The following AGPAT3 variants were observed in gnomAD, a reference collection of about 807,000 sequenced individuals.
AGPAT3 encodes the protein 1-acyl-sn-glycerol-3-phosphate acyltransferase gamma.
AGPAT3 carries 5 observed loss-of-function variants against 47.3 expected under a neutral mutation model. The observed-to-expected ratio is 0.11, with a 90% CI of 0.06 to 0.22. The LOEUF (loss-of-function observed/expected upper bound fraction) is 0.22. Among genes scored for constraint, AGPAT3 ranks in the 10% least tolerant of loss-of-function variants. The probability of loss-of-function intolerance (pLI) is 1.00; values close to 1 mark genes in which losing one functional copy is unlikely to be tolerated. For missense variants in AGPAT3, 315 were observed against 493.0 expected (o/e 0.64, Z 3.42); for synonymous variants, 212 against 208.3 (o/e 1.02, Z -0.15).
intron 2 of AGPAT3, among the ~76,000 whole-genome samples, chr21:43,957,966 T>C (rs556964437): frequency 4.6e-5 from 7 of 152,208 alleles, no homozygotes; most frequent in African/African-American, 1.7e-4. Flanking sequence ...GGGGAGTCGC[T>C]CCTTTTGTGC....
chr21:43,943,914 C>T (rs2087762337), intron 2 of AGPAT3, among the ~76,000 whole-genome samples: 3 of 152,236 alleles, frequency 2.0e-5, no homozygotes, highest in African/African-American at 7.2e-5. Context: ...ACCACTTTCC[C>T]GCCGCATCTT....
chr21:43,973,742 C>T (rs945785135), intron 7 of AGPAT3, among the ~76,000 whole-genome samples: 1 of 152,246 alleles, frequency 6.6e-6, no homozygotes, highest in African/African-American at 2.4e-5. Context: ...CATCACAGCG[C>T]CAGGCTCCCC....
chr21:43,892,318 AAG>A (rs569534882), intron 1 of AGPAT3, among the ~76,000 whole-genome samples: 2,765 of 151,236 alleles, frequency 0.018, 82 homozygotes, highest in African/African-American at 0.063. Context: ...AAAAAAAAAA[AAG>A]AAAAAAAAAG....
At position 43,954,977 on chromosome 21, in the gene AGPAT3, G is replaced by A; in HGVS notation, c.-48-4657G>A. 9.0e-7 allele frequency: 1 copy of A among 1,109,630 alleles called. No individual in the cohort carries two copies. Among genetic ancestry groups the A allele is most frequent in the South Asian group, 1.8e-5 (1 of 56,538 alleles). 68.7% of individuals were successfully genotyped at this position (1,109,630 alleles called of 1,614,324 possible). ...CCGCTTTGTGACACCGAGGACGGTT[G>A]ATAAAGTGGATTCTCGAGGGGAAGC... is the stretch of plus-strand genomic sequence containing the variant. On this transcript the variant is annotated intron_variant, in intron 2 of 9. Transcript: ENST00000291572. This position sits in a 1 kb window ranked among gnomAD's most constrained non-coding sequence, Gnocchi z 4.0.
chr21:43,954,249 C>T lies in AGPAT3; in HGVS notation c.-48-5385C>T, dbSNP rs1227446621. Among the ~76,000 whole-genome samples, 1 of 152,164 alleles carries T rather than the reference C, an allele frequency of 6.6e-6. No individual in the cohort carries two copies. The highest frequency in any genetic ancestry group is 1.5e-5 in the Non-Finnish European group (1 of 68,032). ...CACCCTTCTGCAGGGAGGGAGGTGG[C>T]CTCTGCCTGCTGCCATTGGAGGTTT... On this transcript the variant is annotated intron_variant, in intron 2 of 9. Coordinates refer to ENST00000291572, the MANE Select transcript of AGPAT3 (RefSeq NM_020132.5). The surrounding 1 kb of genome is among the most constrained non-coding windows in gnomAD (Gnocchi z 4.0).
chr21:43,907,111 A>G (rs1196045229), intron 2 of AGPAT3, among the ~76,000 whole-genome samples: 1 of 142,752 alleles, frequency 7.0e-6, no homozygotes, highest in African/African-American at 2.6e-5. Context: ...AGGTCACTTC[A>G]GCCTTGAGCT....
intron 1 of AGPAT3, among the ~76,000 whole-genome samples, chr21:43,873,263 G>A (rs545663101): frequency 2.4e-4 from 36 of 152,330 alleles, no homozygotes; most frequent in African/African-American, 8.4e-4. Context: ...ATTCGCCATG[G>A]AAAGGGGAAG....
rs1569073348 is a variant in AGPAT3, at chr21:43,934,035, G to GT, written c.-48-25598dup. 2.0e-5 allele frequency among the ~76,000 whole-genome samples: 3 copies of GT among 152,234 alleles called. No homozygotes were observed. The highest frequency in any genetic ancestry group is 7.2e-5 in the African/African-American group (3 of 41,466). On this transcript the variant is annotated intron_variant, in intron 2 of 9. Coordinates refer to ENST00000291572, the MANE Select transcript of AGPAT3 (RefSeq NM_020132.5). The surrounding 1 kb of genome is among the most constrained non-coding windows in gnomAD (Gnocchi z 4.7). ...CAGTCATGGCCAGCTGCCGAATGCC[G>GT]TACCAGGGCAGGGGCAGTGGAGCAG...
rs2088388255 is a variant in AGPAT3 at position 43,955,192 on chromosome 21, C to G, written c.-48-4442C>G. 3.2e-6 allele frequency: 4 copies of G among 1,259,118 alleles called. No homozygotes were observed. Among genetic ancestry groups the G allele is most frequent in the Non-Finnish European group, 4.1e-6 (4 of 969,612 alleles). The allele number at this position is 1,259,118 out of a possible 1,614,324, so 78.0% of individuals were successfully genotyped here. A position where few individuals can be genotyped will look rare whatever the true frequency, so the allele number is the denominator to read the frequency against. On this transcript the variant is annotated intron_variant, in intron 2 of 9. Coordinates refer to ENST00000291572, the MANE Select transcript of AGPAT3 (RefSeq NM_020132.5). This position sits in a 1 kb window ranked among gnomAD's most constrained non-coding sequence, Gnocchi z 4.1. ...GCCGTCTCAGAAGCACCGCGCTGGACCGGCTGGGCCAGATGCCATGGGATT... is the reference window on the plus strand; with the variant it reads ...GCCGTCTCAGAAGCACCGCGCTGGAGCGGCTGGGCCAGATGCCATGGGATT...
chr21:43,910,363 C>T (rs1301222506), intron 2 of AGPAT3, among the ~76,000 whole-genome samples: 1 of 152,218 alleles, frequency 6.6e-6, no homozygotes, highest in Non-Finnish European at 1.5e-5. Context: ...CGCGTATTGC[C>T]AGCAGCAGTC....
intron 2 of AGPAT3, among the ~76,000 whole-genome samples, chr21:43,919,149 C>T (rs889159671): frequency 9.9e-5 from 15 of 151,978 alleles, no homozygotes; most frequent in African/African-American, 3.1e-4. Flanking sequence ...AAAAGTTTAC[C>T]GGTGTCTCTA....
intron 2 of AGPAT3, among the ~76,000 whole-genome samples, chr21:43,942,360 C>T (rs1024744242): frequency 4.6e-5 from 7 of 152,206 alleles, no homozygotes; most frequent in African/African-American, 1.2e-4. Flanking sequence ...AGCAGGAAGG[C>T]GGGCTGGCCA....
At chr21:43,885,130 C>G (rs1270126510) in intron 1 of AGPAT3, among the ~76,000 whole-genome samples, 1 of 152,228 alleles carries the variant, frequency 6.6e-6, no homozygotes. Context: ...TCCCCTCACC[C>G]TGCGGCTAGA....
In AGPAT3 at chr21:43,868,701, C is replaced by A. The variant is rs367918062; in HGVS notation, c.-112+3356C>A. Among the ~76,000 whole-genome samples, 2 of 152,206 alleles carry A rather than the reference C, an allele frequency of 1.3e-5. 1 individual carries two copies. Among genetic ancestry groups the A allele is most frequent in the South Asian group, 4.1e-4 (2 of 4,824 alleles). On this transcript the variant is annotated intron_variant, in intron 1 of 9. Coordinates refer to ENST00000291572, the MANE Select transcript of AGPAT3 (RefSeq NM_020132.5). The stretch of plus-strand genomic sequence containing the variant: ...GAGCTGAGTACCGGCGCTGCAGCCA[C>A]GCTGGCTCTTGTTCTCTTCCTCATG...
chr21:43,871,486 T>C (rs2085623442), intron 1 of AGPAT3, among the ~76,000 whole-genome samples: 2 of 152,252 alleles, frequency 1.3e-5, no homozygotes, highest in East Asian at 1.9e-4. Context: ...GAAGCACTTC[T>C]AATCTTGACC....
intron 1 of AGPAT3, among the ~76,000 whole-genome samples, chr21:43,903,018 G>C (rs1427016217): frequency 6.6e-6 from 1 of 152,240 alleles, no homozygotes; most frequent in Non-Finnish European, 1.5e-5. Context: ...ATATGAATTT[G>C]TAGCTGGGGG....
At chr21:43,977,791 G>T (rs1414624616) in intron 7 of AGPAT3, among the ~76,000 whole-genome samples, 1 of 152,092 alleles carries the variant, frequency 6.6e-6, no homozygotes, top group African/African-American at 2.4e-5. Flanking sequence ...GGAGGCTGAG[G>T]CAGGAGAATC....
At chr21:43,867,072 A>G (rs1363730706) in intron 1 of AGPAT3, 1 of 152,306 alleles carries the variant, frequency 6.6e-6, no homozygotes, top group Non-Finnish European at 1.5e-5. Flanking sequence ...AACTGAAAGT[A>G]ATGGCTTTAT....
chr21:43,950,317 C>A (rs1440929090), intron 2 of AGPAT3, among the ~76,000 whole-genome samples: 1 of 152,206 alleles, frequency 6.6e-6, no homozygotes, highest in Non-Finnish European at 1.5e-5. Context: ...TTCACCTCCT[C>A]CTGCCAGACT....
Sources: allele counts gnomAD v4.1 joint callset (sites outside exome capture counted in the v4.1 genomes callset), GRCh38; gene constraint gnomAD v4.1.1; non-coding constraint Gnocchi (gnomAD v3.1); transcripts MANE v1.5; gene names NCBI Gene and HGNC (gene_info 2026-07-23, HGNC 2026-07-21).